Variants in IL1RAPL2 observed in about 807,000 individuals in gnomAD.
The protein encoded by IL1RAPL2 is interleukin 1 receptor accessory protein like 2.
A neutral mutation model predicts 44.1 loss-of-function variants in IL1RAPL2; 3 were observed. The ratio of observed to expected loss-of-function variants is 0.07; its 90% CI spans 0.03 to 0.18. IL1RAPL2 has a LOEUF of 0.18. Among genes scored for constraint, IL1RAPL2 ranks in the 10% least tolerant of loss-of-function variants. The probability of loss-of-function intolerance (pLI) is 1.00; values close to 1 mark genes in which losing one functional copy is unlikely to be tolerated. For missense variants in IL1RAPL2, 391 were observed against 496.4 expected (o/e 0.79, Z 2.02); for synonymous variants, 181 against 178.8 (o/e 1.01, Z -0.10).
intron 2 of IL1RAPL2, among the ~76,000 whole-genome samples, chrX:104,953,928 G>A (rs560092879): frequency 9.0e-6 from 1 of 111,095 alleles, no homozygotes; most frequent in Admixed American, 9.6e-5. Context: ...ATTCTTCTTG[G>A]ACAGTGAATT....
intron 3 of IL1RAPL2, among the ~76,000 whole-genome samples, chrX:105,231,401 A>G (rs147197522): frequency 0.037 from 4,159 of 111,976 alleles, 82 homozygotes; most frequent in Middle Eastern, 0.087. Flanking sequence ...TTGACAAGCC[A>G]TATACCTTCA....
chrX:105,689,456 C>T (rs957812002), intron 6 of IL1RAPL2, among the ~76,000 whole-genome samples: 38 of 112,146 alleles, frequency 3.4e-4, no homozygotes, highest in African/African-American at 9.7e-4. Flanking sequence ...AGCCAACAGA[C>T]GCATGAAAAA....
intron 2 of IL1RAPL2, among the ~76,000 whole-genome samples, chrX:105,184,805 A>T (rs2033570570): frequency 8.9e-6 from 1 of 111,825 alleles, no homozygotes; most frequent in Admixed American, 9.5e-5. Context: ...TAATGAATTT[A>T]ATATAAAGAT....
intron 5 of IL1RAPL2, among the ~76,000 whole-genome samples, chrX:105,289,588 GAATAAGT>G: frequency 8.9e-6 from 1 of 111,859 alleles, no homozygotes; most frequent in Non-Finnish European, 1.9e-5. Context: ...TGGGGTACTA[GAATAAGT>G]AATAAGTCAC....
chrX:105,687,088 A>G (rs1226244208), intron 6 of IL1RAPL2, among the ~76,000 whole-genome samples: 1 of 112,078 alleles, frequency 8.9e-6, no homozygotes, highest in African/African-American at 3.2e-5. Context: ...GTAGAGGGAA[A>G]TTTATAGCAC....
chrX:105,013,122 G>A (rs1349221468), intron 2 of IL1RAPL2, among the ~76,000 whole-genome samples: 1 of 111,162 alleles, frequency 9.0e-6, no homozygotes, highest in African/African-American at 3.3e-5. Flanking sequence ...AAATGTAACA[G>A]GTGGGAAGTA....
At chrX:105,678,106 G>A (rs1314844866) in intron 6 of IL1RAPL2, among the ~76,000 whole-genome samples, 3 of 111,313 alleles carry the variant, frequency 2.7e-5, no homozygotes, top group Admixed American at 9.6e-5. Context: ...GAATAGAGGT[G>A]AATAATAAAA....
Position 105,748,990 on chromosome X carries a change from G to T in IL1RAPL2, c.1079G>T (p.Gly360Val), listed in dbSNP as rs753530064. The change falls in exon 9 of 11, where the codon GGC becomes GTC. Residue 360 changes from glycine to valine, a missense_variant. Transcript: ENST00000372582. Reference protein sequence around the residue: ...DLIYKIELAGGLGAIFLLLVL... With the variant: ...DLIYKIELAGVLGAIFLLLVL... ...ATCTATAAAATTGAGCTTGCAGGGGGCCTGGGAGCAATCTTCCTCCTCCTT... is the reference window on the plus strand; with the variant it reads ...ATCTATAAAATTGAGCTTGCAGGGGTCCTGGGAGCAATCTTCCTCCTCCTT... The T allele has an allele frequency of 8.3e-7, 1 of 1,208,927 alleles. No individual in the cohort carries two copies. Among genetic ancestry groups the T allele is most frequent in the Non-Finnish European group, 1.1e-6 (1 of 893,448 alleles).
chrX:105,609,800 G>C (rs997948116), intron 6 of IL1RAPL2, among the ~76,000 whole-genome samples: 2 of 111,713 alleles, frequency 1.8e-5, no homozygotes, highest in African/African-American at 6.5e-5. Flanking sequence ...AACAGCACTT[G>C]TGCCCAGGCC....
At chrX:105,408,421 C>G (rs1432191360) in intron 5 of IL1RAPL2, among the ~76,000 whole-genome samples, 1 of 109,968 alleles carries the variant, frequency 9.1e-6, no homozygotes, top group Non-Finnish European at 1.9e-5. Context: ...CAACATGAGG[C>G]AAGGAATCAT....
At chrX:104,693,078 T>C (rs978654964) in intron 2 of IL1RAPL2, among the ~76,000 whole-genome samples, 4 of 112,315 alleles carry the variant, frequency 3.6e-5, no homozygotes, top group Non-Finnish European at 7.5e-5. Context: ...AAGCAGACTT[T>C]GCTGGACTCT....
At chrX:104,757,609 G>A (rs867375984) in intron 2 of IL1RAPL2, among the ~76,000 whole-genome samples, 36 of 111,397 alleles carry the variant, frequency 3.2e-4, no homozygotes, top group African/African-American at 1.1e-3. Flanking sequence ...TGCATATAAT[G>A]TTCTCTTTTC....
At chrX:104,826,596 G>A (rs1165872396) in intron 2 of IL1RAPL2, among the ~76,000 whole-genome samples, 1 of 111,642 alleles carries the variant, frequency 9.0e-6, no homozygotes, top group Non-Finnish European at 1.9e-5. Flanking sequence ...CTGTTGATTT[G>A]GGGTGGAGAG....
At chrX:104,826,937 G>GC (rs1921466028) in intron 2 of IL1RAPL2, among the ~76,000 whole-genome samples, 1 of 53,539 alleles carries the variant, frequency 1.9e-5, no homozygotes, top group Non-Finnish European at 3.6e-5. Flanking sequence ...TGCAACCCCT[G>GC]CTTTTTTTTT....
At chrX:104,582,596 T>TTCTTTCTCTTTC (rs1387907561) in intron 1 of IL1RAPL2, among the ~76,000 whole-genome samples, 6 of 52,188 alleles carry the variant, frequency 1.1e-4, no homozygotes, top group Admixed American at 4.5e-4. Context: ...CTTTCTTTCT[T>TTCTTTCTCTTTC]TTTCTTTCTT....
chrX:105,271,458 C>T (rs1056288322), intron 5 of IL1RAPL2, among the ~76,000 whole-genome samples: 1 of 110,680 alleles, frequency 9.0e-6, no homozygotes, highest in Admixed American at 9.7e-5. Flanking sequence ...TGAATTTGTG[C>T]GGAGGGTTAA....
chrX:105,697,110 C>T (rs758574397), intron 6 of IL1RAPL2, among the ~76,000 whole-genome samples: 17 of 109,847 alleles, frequency 1.5e-4, no homozygotes, highest in Admixed American at 2.9e-4. Flanking sequence ...CTTACATGAA[C>T]TAATAGAGCT....
At chrX:104,764,236 T>C (rs1932516808) in intron 2 of IL1RAPL2, among the ~76,000 whole-genome samples, 1 of 111,293 alleles carries the variant, frequency 9.0e-6, no homozygotes, top group African/African-American at 3.3e-5. Flanking sequence ...GCAATTTCTT[T>C]CATTAGTGTT....
chrX:105,426,277 C>G (rs1487801549), intron 5 of IL1RAPL2, among the ~76,000 whole-genome samples: 1 of 110,389 alleles, frequency 9.1e-6, no homozygotes, highest in African/African-American at 3.3e-5. Flanking sequence ...GTCATCTGAC[C>G]CCTGCCTACC....
Sources: gnomAD v4.1 joint callset for allele counts (sites outside exome capture counted in the v4.1 genomes callset) on GRCh38, gnomAD v4.1.1 for gene constraint, MANE v1.5 for transcripts, NCBI Gene and HGNC (gene_info 2026-07-23, HGNC 2026-07-21) for gene names.